Variants in SERPINB2 observed in about 807,000 individuals in gnomAD.
The protein encoded by SERPINB2 is serpin family B member 2.
Under a neutral mutation model 39.4 loss-of-function variants are expected in SERPINB2, and 28 were observed. The ratio of observed to expected loss-of-function variants is 0.71; its 90% CI spans 0.53 to 0.97. SERPINB2 has a LOEUF of 0.97. Among genes scored for constraint, SERPINB2 ranks in the 50% least tolerant of loss-of-function variants. SERPINB2 has a pLI of 0.00. For missense variants in SERPINB2, 557 were observed against 505.3 expected (o/e 1.10, Z -0.98); for synonymous variants, 209 against 175.1 (o/e 1.19, Z -1.53).
intron 2 of SERPINB2, among the ~76,000 whole-genome samples, chr18:63,892,113 GAA>G (rs763961993): frequency 3.9e-4 from 54 of 139,406 alleles, no homozygotes; most frequent in Middle Eastern, 3.6e-3. Flanking sequence ...ATCACAAAGG[GAA>G]AAAAAAAAAA....
At chr18:63,897,965 T>C (rs2049971286) in intron 5 of SERPINB2, 121 bp downstream of exon 5, 1 of 672,566 alleles carries the variant, frequency 1.5e-6, no homozygotes, top group East Asian at 2.6e-5. Context: ...GCAGTTACTT[T>C]GGTGGATGTG....
At chr18:63,894,414 TA>T (rs1478765636) in intron 2 of SERPINB2, among the ~76,000 whole-genome samples, 1 of 152,098 alleles carries the variant, frequency 6.6e-6, no homozygotes, top group Non-Finnish European at 1.5e-5. Flanking sequence ...CTGCCTTAAT[TA>T]ACTTCATTAG....
rs371128282 is a variant in SERPINB2 at position 63,901,776 on chromosome 18, A to G, written c.572A>G (p.Asp191Gly). 6 of 1,581,146 alleles carry G rather than the reference A, an allele frequency of 3.8e-6. No homozygotes were observed. The African/African-American group carries it at 8.3e-5, about 22-fold the overall frequency. ...IPNLLPEGSV[D>G]GDTRMVLVNA... ...AACTTGTTACCTGAAGGTTCTGTAG[A>G]TGGGGATACCAGGATGGTCCTGGTG... The change falls in exon 6 of 8, where the codon GAT (aspartate) becomes GGT (glycine). Residue 191 changes from aspartate (D) to glycine (G), a missense_variant. Physicochemically the swap from Asp to Gly is moderately conservative, Grantham distance 94. Coordinates refer to ENST00000299502, the MANE Select transcript of SERPINB2 (RefSeq NM_002575.3).
chr18:63,888,741 A>T (rs1053386209), intron 1 of SERPINB2, among the ~76,000 whole-genome samples: 1 of 152,200 alleles, frequency 6.6e-6, no homozygotes, highest in Admixed American at 6.5e-5. Context: ...AGGAAGCCCA[A>T]CCCTGCATAT....
intron 2 of SERPINB2, among the ~76,000 whole-genome samples, chr18:63,894,355 C>CT (rs2049945533): frequency 1.3e-5 from 2 of 152,176 alleles, no homozygotes; most frequent in Non-Finnish European, 2.9e-5. Context: ...CTCACAAACC[C>CT]TAACACCTCT....
rs139439211 is a variant in SERPINB2 at position 63,897,765 on chromosome 18, A to C, written c.456A>C (p.Glu152Asp). 6.2e-7 allele frequency: 1 copy of C among 1,613,370 alleles called. No individual in the cohort carries two copies. The highest frequency in any genetic ancestry group is 8.5e-7 in the Non-Finnish European group (1 of 1,179,422). ...IRLCQKYYSSEPQAVDFLECA... is the reference protein window; with the variant it reads ...IRLCQKYYSSDPQAVDFLECA... ...TCTGTCAGAAATATTACTCCTCAGA[A>C]CCCCAGGCAGTAGACTTCCTAGAAT... The change falls in exon 5 of 8, where the codon GAA becomes GAC. Residue 152 changes from glutamate to aspartate, a missense_variant. Physicochemically the swap from Glu to Asp is conservative, Grantham distance 45. Coordinates refer to ENST00000299502, the MANE Select transcript of SERPINB2 (RefSeq NM_002575.3).
intron 4 of SERPINB2, 108 bp from the exon 5 acceptor site, chr18:63,897,619 C>T (rs2049968433): frequency 1.2e-6 from 1 of 861,834 alleles, no homozygotes. Flanking sequence ...TCCACTCCCA[C>T]CCTACCCCAG....
At chr18:63,900,054 G>GT (rs1159523700) in intron 5 of SERPINB2, among the ~76,000 whole-genome samples, 2 of 152,132 alleles carry the variant, frequency 1.3e-5, no homozygotes, top group Admixed American at 6.6e-5. Flanking sequence ...ACACATGGAA[G>GT]TTTTGCCTTC....
chr18:63,897,961 A>G, intron 5 of SERPINB2, 117 bp downstream of exon 5: 1 of 684,026 alleles, frequency 1.5e-6, no homozygotes. Context: ...AACTGCAGTT[A>G]CTTTGGTGGA....
At chr18:63,893,589 A>G (rs1264345788) in intron 2 of SERPINB2, among the ~76,000 whole-genome samples, 1 of 152,236 alleles carries the variant, frequency 6.6e-6, no homozygotes, top group African/African-American at 2.4e-5. Context: ...GGACAGACGT[A>G]TCTGTGTTTG....
At chr18:63,889,988 C>A (rs1371569083) in intron 1 of SERPINB2, 2 of 151,914 alleles carry the variant, frequency 1.3e-5, no homozygotes, top group Non-Finnish European at 2.9e-5. Flanking sequence ...AGCTGTGTGA[C>A]CTTATACAAG....
At position 63,902,958 on chromosome 18, in the gene SERPINB2, G is replaced by A. The variant is rs746902543; in HGVS notation, c.901G>A (p.Ala301Thr). The change falls in exon 8 of 8, where the codon GCT becomes ACT. Residue 301 changes from alanine (A) to threonine (T), a missense_variant. By Grantham distance (58) the Ala-to-Thr change is moderately conservative. Transcript: ENST00000299502. ...CAAGTGGACCAGCAAAGACAAAATG[G>A]CTGAAGATGAAGTTGAGGTATACAT... Reference protein sequence around the residue: ...LNKWTSKDKMAEDEVEVYIPQ... With the variant: ...LNKWTSKDKMTEDEVEVYIPQ... The A allele has an allele frequency of 6.2e-6, 10 of 1,613,290 alleles. No individual in the cohort carries two copies. The African/African-American group carries it at 1.2e-4, about 19-fold the overall frequency.
rs371462289 is a variant in SERPINB2, at chr18:63,895,225, G to T, written c.169-39G>T. 2.0e-5 allele frequency: 32 copies of T among 1,605,050 alleles called. No homozygotes were observed. In the South Asian group the frequency reaches 2.3e-4, roughly 12 times the overall value. ...TCTGTTTTAAAAGTTCAGTAAATCC[G>T]TGGGCAAGTGTAACCGTTTTCTCTA... is the stretch of plus-strand genomic sequence containing the variant. On this transcript the variant is annotated intron_variant, in intron 2 of 7. Transcript: ENST00000299502.
At chr18:63,894,273 G>A (rs1416290307) in intron 2 of SERPINB2, among the ~76,000 whole-genome samples, 1 of 152,140 alleles carries the variant, frequency 6.6e-6, no homozygotes, top group Non-Finnish European at 1.5e-5. Context: ...CGTGAGGGTG[G>A]AGTTGCACCA....
chr18:63,899,675 G>T (rs1475799725), intron 5 of SERPINB2, among the ~76,000 whole-genome samples: 1 of 152,124 alleles, frequency 6.6e-6, no homozygotes, highest in African/African-American at 2.4e-5. Flanking sequence ...AGCCAGGGTT[G>T]CTTCTTCTTC....
chr18:63,902,687 T>C (rs1193978404), intron 7 of SERPINB2, 119 bp downstream of exon 7: 1 of 1,123,024 alleles, frequency 8.9e-7, no homozygotes, highest in Admixed American at 2.4e-5. Context: ...AAACAGTTGA[T>C]AGTAAATATG....
intron 7 of SERPINB2, 139 bp from the exon 8 acceptor site, chr18:63,902,762 T>A: frequency 1.6e-5 from 18 of 1,123,400 alleles, no homozygotes; most frequent in Non-Finnish European, 2.2e-5. Context: ...TGTAAAAATC[T>A]GACCAATCTG....
chr18:63,900,910 G>A (rs774807577), intron 5 of SERPINB2, among the ~76,000 whole-genome samples: 27 of 152,056 alleles, frequency 1.8e-4, no homozygotes, highest in Admixed American at 3.9e-4. Flanking sequence ...TGTAACGTTG[G>A]GAAGACTGCT....
intron 2 of SERPINB2, among the ~76,000 whole-genome samples, chr18:63,893,651 G>T (rs1203102345): frequency 6.6e-6 from 1 of 152,188 alleles, no homozygotes; most frequent in African/African-American, 2.4e-5. Context: ...GAAACCATTT[G>T]CATCTCAGTT....
Sources: gnomAD v4.1 joint callset for allele counts (sites outside exome capture counted in the v4.1 genomes callset) on GRCh38, gnomAD v4.1.1 for gene constraint, MANE v1.5 for transcripts, NCBI Gene and HGNC (gene_info 2026-07-23, HGNC 2026-07-21) for gene names.